The following DLGAP1 variants were observed in gnomAD, a reference collection of about 807,000 sequenced individuals.
The protein encoded by DLGAP1 is disks large-associated protein 1.
DLGAP1 carries 11 observed loss-of-function variants against 90.8 expected under a neutral mutation model. The observed-to-expected ratio is 0.12, with a 90% confidence interval of 0.08 to 0.20. DLGAP1 has a LOEUF of 0.20. Ranked by LOEUF, DLGAP1 falls within the 10% of genes least tolerant of loss-of-function variation. The pLI is 1.00. For missense variants in DLGAP1, 1,050 were observed against 1,333.8 expected (o/e 0.79, Z 3.31); for synonymous variants, 558 against 540.7 (o/e 1.03, Z -0.44).
intron 1 of DLGAP1, among the ~76,000 whole-genome samples, chr18:4,333,688 C>T (rs756506857): frequency 6.8e-6 from 1 of 147,642 alleles, no homozygotes; most frequent in Non-Finnish European, 1.5e-5. Flanking sequence ...GGTGTGATCT[C>T]GGCTCACTGC....
intron 5 of DLGAP1, among the ~76,000 whole-genome samples, chr18:3,784,317 G>C (rs2065344458): frequency 6.6e-6 from 1 of 152,044 alleles, no homozygotes; most frequent in Admixed American, 6.5e-5. Context: ...CTAGTTGTTG[G>C]GTCTCGATGT....
intron 3 of DLGAP1, among the ~76,000 whole-genome samples, chr18:3,897,405 T>C (rs1398483215): frequency 6.6e-6 from 1 of 152,208 alleles, no homozygotes; most frequent in Admixed American, 6.5e-5. Flanking sequence ...TTCATGTATT[T>C]TTTTTCCCAA....
intron 7 of DLGAP1, among the ~76,000 whole-genome samples, chr18:3,698,939 T>C (rs1598389765): frequency 1.3e-5 from 2 of 152,196 alleles, no homozygotes; most frequent in East Asian, 1.9e-4. Flanking sequence ...GATTTGGCTA[T>C]TGATACTTGT....
intron 7 of DLGAP1, among the ~76,000 whole-genome samples, chr18:3,584,697 CA>C (rs1280759068): frequency 1.3e-5 from 2 of 152,078 alleles, no homozygotes; most frequent in East Asian, 3.9e-4. Flanking sequence ...GGATGACTGG[CA>C]GAGGCCCAGC....
At chr18:4,396,280 G>A (rs920871493) in intron 1 of DLGAP1, among the ~76,000 whole-genome samples, 3 of 152,026 alleles carry the variant, frequency 2.0e-5, no homozygotes, top group Non-Finnish European at 2.9e-5. Flanking sequence ...ATTCCAAAAG[G>A]TTCATTAGCC....
At chr18:4,186,815 G>A (rs996315743) in intron 1 of DLGAP1, among the ~76,000 whole-genome samples, 3 of 152,124 alleles carry the variant, frequency 2.0e-5, no homozygotes, top group Non-Finnish European at 2.9e-5. Context: ...GTCATTGGTA[G>A]TTTAATAGGA....
intron 2 of DLGAP1, among the ~76,000 whole-genome samples, chr18:4,097,150 C>G (rs1372172792): frequency 6.6e-6 from 1 of 152,212 alleles, no homozygotes; most frequent in Non-Finnish European, 1.5e-5. Context: ...TTAAGGACCA[C>G]CTTCTTGCCT....
At chr18:3,870,647 T>TCTAA in intron 4 of DLGAP1, among the ~76,000 whole-genome samples, 1 of 147,382 alleles carries the variant, frequency 6.8e-6, no homozygotes, top group African/African-American at 2.5e-5. Flanking sequence ...TATCTATCTA[T>TCTAA]CTATCAAATA....
chr18:3,721,395 G>A (rs927896646), intron 7 of DLGAP1: 1 of 152,098 alleles, frequency 6.6e-6, no homozygotes, highest in African/African-American at 2.4e-5. Context: ...TCAGGGGATT[G>A]GATATTTGAT....
chr18:4,215,110 A>G, intron 1 of DLGAP1, among the ~76,000 whole-genome samples: 1 of 152,160 alleles, frequency 6.6e-6, no homozygotes. Flanking sequence ...CCTTTTCATA[A>G]TATGCAAGAT....
At chr18:3,523,641 A>T (rs180939432) in intron 10 of DLGAP1, among the ~76,000 whole-genome samples, 2,525 of 151,714 alleles carry the variant, frequency 0.017, 33 homozygotes, top group South Asian at 0.038. Flanking sequence ...AGGTCAGGAG[A>T]TCGAGACCAT....
intron 5 of DLGAP1, among the ~76,000 whole-genome samples, chr18:3,745,058 A>T (rs2063212057): frequency 6.6e-6 from 1 of 152,222 alleles, no homozygotes; most frequent in Admixed American, 6.5e-5. Flanking sequence ...CATCATGCTA[A>T]CTGAAAGAAG....
At chr18:3,911,406 T>C (rs187044635) in intron 3 of DLGAP1, among the ~76,000 whole-genome samples, 67 of 152,352 alleles carry the variant, frequency 4.4e-4, no homozygotes, top group African/African-American at 1.6e-3. Flanking sequence ...GATCTTTATT[T>C]AAAGAAAGTT....
chr18:4,137,057 C>G (rs1459482532), intron 2 of DLGAP1, among the ~76,000 whole-genome samples: 1 of 152,110 alleles, frequency 6.6e-6, no homozygotes, highest in Non-Finnish European at 1.5e-5. Flanking sequence ...CCCCTTCCCC[C>G]ACTCCACAAC....
At chr18:4,425,920 C>T (rs866346358) in intron 1 of DLGAP1, among the ~76,000 whole-genome samples, 1 of 152,128 alleles carries the variant, frequency 6.6e-6, no homozygotes, top group African/African-American at 2.4e-5. Flanking sequence ...TCCTTGAGGG[C>T]AGGAATCCTA....
chr18:3,650,287 T>C (rs879914754), intron 7 of DLGAP1, among the ~76,000 whole-genome samples: 6 of 152,132 alleles, frequency 3.9e-5, no homozygotes, highest in Non-Finnish European at 7.4e-5. Flanking sequence ...CAAGTGATGC[T>C]CCTGCTTCAG....
chr18:4,207,559 A>T (rs1568451200), intron 1 of DLGAP1, among the ~76,000 whole-genome samples: 1 of 152,372 alleles, frequency 6.6e-6, no homozygotes, highest in Non-Finnish European at 1.5e-5. Context: ...TGAGGTAGTC[A>T]CAAGCCCACC....
chr18:4,192,159 G>T (rs528124583), intron 1 of DLGAP1, among the ~76,000 whole-genome samples: 1 of 152,184 alleles, frequency 6.6e-6, no homozygotes, highest in African/African-American at 2.4e-5. Flanking sequence ...TTTCTCAAGG[G>T]TAAGGGAGGA....
At chr18:3,766,157 T>A (rs960556624) in intron 5 of DLGAP1, among the ~76,000 whole-genome samples, 1 of 151,968 alleles carries the variant, frequency 6.6e-6, no homozygotes, top group Admixed American at 6.6e-5. Context: ...CATGCAAACA[T>A]TAATTAAAGG....
Sources: gnomAD v4.1 joint callset for allele counts (sites outside exome capture counted in the v4.1 genomes callset) on GRCh38, gnomAD v4.1.1 for gene constraint, MANE v1.5 for transcripts, NCBI Gene and HGNC (gene_info 2026-07-23, HGNC 2026-07-21) for gene names.